Variants in CLTCL1 observed in about 807,000 individuals in gnomAD.
The protein encoded by CLTCL1 is clathrin heavy chain like 1.
In CLTCL1, 159 loss-of-function variants were observed where a neutral mutation model predicts 190.0. The observed-to-expected ratio is 0.84, with a 90% CI of 0.74 to 0.95. CLTCL1 has a LOEUF of 0.95. Ranked by LOEUF, CLTCL1 falls within the 40% of genes least tolerant of loss-of-function variation. The pLI is 0.00. For synonymous variants in CLTCL1, 752 were observed against 769.6 expected (o/e 0.98, Z 0.38); for missense variants, 1,878 against 2,033.4 (o/e 0.92, Z 1.47).
At chr22:19,285,136 G>T (rs1000670658) in intron 1 of CLTCL1, among the ~76,000 whole-genome samples, 16 of 151,748 alleles carry the variant, frequency 1.1e-4, no homozygotes, top group African/African-American at 3.9e-4. Context: ...TTAGCTGGAC[G>T]TGGTGGTGGG....
chr22:19,218,989 C>T (rs1389466568), intron 18 of CLTCL1, among the ~76,000 whole-genome samples: 1 of 152,058 alleles, frequency 6.6e-6, no homozygotes, highest in African/African-American at 2.4e-5. Flanking sequence ...AGCATGCAGG[C>T]ATGACACCAG....
chr22:19,234,569 A>T lies in CLTCL1; in HGVS notation c.1107T>A (p.Asn369Lys), dbSNP rs1555960946. ...CATAGCTGCCCTGTGCAAAGAGGGT[A>T]TTGAATTTTCTCACAAACAACTTCT... is the stretch of plus-strand genomic sequence containing the variant. ...GAEKLFVRKF[N>K]TLFAQGSYAE... is the part of the protein sequence containing the mutation. Residue 369 changes from asparagine (N) to lysine (K), a missense_variant, in exon 7 of 33, where the codon AAT (asparagine) becomes AAA (lysine). Transcript: ENST00000427926. The T allele has an allele frequency of 1.2e-6, 2 of 1,613,910 alleles. No homozygotes were observed. Among genetic ancestry groups the T allele is most frequent in the African/African-American group, 2.7e-5 (2 of 74,942 alleles).
chr22:19,208,096 A>T, intron 22 of CLTCL1, 58 bp downstream of exon 22: 1 of 1,605,702 alleles, frequency 6.2e-7, no homozygotes, highest in Non-Finnish European at 8.5e-7. Context: ...TGCTCTGAGG[A>T]ACATCCCTGG....
chr22:19,277,171 G>A (rs1261227496), intron 1 of CLTCL1, among the ~76,000 whole-genome samples: 4 of 152,038 alleles, frequency 2.6e-5, no homozygotes, highest in Admixed American at 2.0e-4. Context: ...AATTCAGGAC[G>A]GTGCCTTGTT....
At chr22:19,245,297 G>A (rs1487201338) in intron 3 of CLTCL1, among the ~76,000 whole-genome samples, 1 of 147,564 alleles carries the variant, frequency 6.8e-6, no homozygotes, top group Non-Finnish European at 1.5e-5. Context: ...GGGTTCAAAC[G>A]ATTCTCCTGC....
chr22:19,196,743 G>C, intron 24 of CLTCL1, 87 bp from the exon 25 acceptor site: 5 of 1,436,022 alleles, frequency 3.5e-6, no homozygotes, highest in Non-Finnish European at 4.7e-6. Flanking sequence ...CGCAGGGACT[G>C]TGCTTGTGAC....
intron 2 of CLTCL1, among the ~76,000 whole-genome samples, chr22:19,273,393 T>C (rs2087387781): frequency 6.6e-6 from 1 of 152,164 alleles, no homozygotes; most frequent in African/African-American, 2.4e-5. Context: ...CATGTTATAG[T>C]TGAAGTGATC....
intron 19 of CLTCL1, among the ~76,000 whole-genome samples, chr22:19,214,911 C>T (rs1417604339): frequency 6.6e-6 from 1 of 152,200 alleles, no homozygotes; most frequent in African/African-American, 2.4e-5. Context: ...AAACTCCTGG[C>T]CTCCCAAAGT....
chr22:19,221,591 C>T lies in CLTCL1; in HGVS notation c.2582G>A (p.Trp861Ter). Residue 861 changes from tryptophan to a stop codon, truncating the protein, a stop_gained, in exon 17 of 33, where the codon TGG (tryptophan) becomes TAG (stop). Coordinates refer to ENST00000427926, the MANE Select transcript of CLTCL1 (RefSeq NM_007098.4). LOFTEE classifies it high-confidence loss of function. ...GCCTTCCTGAATCTGGGACTCCAGCCAGGGAAGCAGCAGCTTGAGCCTTTG... is the reference window on the plus strand; with the variant it reads ...GCCTTCCTGAATCTGGGACTCCAGCTAGGGAAGCAGCAGCTTGAGCCTTTG... ...KRNRLKLLLP[W>*]LESQIQEGCE... The T allele has an allele frequency of 6.3e-7, 1 of 1,591,958 alleles. No homozygotes were observed. Among genetic ancestry groups the T allele is most frequent in the South Asian group, 1.1e-5 (1 of 87,540 alleles).
Position 19,198,091 on chromosome 22 carries a change from G to A in CLTCL1, c.3874-1435C>T, listed in dbSNP as rs985952997. ...AAAGTAATTCTTGTCCTTCCCTCCC[G>A]TGCTGCACCTTCAGTCTTCCCCTCA... On this transcript the variant is annotated intron_variant, in intron 24 of 32. Coordinates refer to ENST00000427926, the MANE Select transcript of CLTCL1 (RefSeq NM_007098.4). The surrounding 1 kb of genome is among the most constrained non-coding windows in gnomAD (Gnocchi z 4.1). Among the ~76,000 whole-genome samples, 7 of 152,040 alleles carry A rather than the reference G, an allele frequency of 4.6e-5. No individual in the cohort carries two copies. The highest frequency in any genetic ancestry group is 5.9e-5 in the Non-Finnish European group (4 of 68,010).
At position 19,233,153 on chromosome 22, in the gene CLTCL1, C is replaced by T; in HGVS notation, c.1521+13G>A. The T allele has an allele frequency of 1.2e-6, 2 of 1,605,530 alleles. No individual in the cohort carries two copies. Among genetic ancestry groups the T allele is most frequent in the Non-Finnish European group, 1.7e-6 (2 of 1,173,124 alleles). ...AGTAATCTGTGAGATGCCAGTGGTT[C>T]AACACACGTTACCTTTTTGGCATAG... On this transcript the variant is annotated intron_variant, in intron 9 of 32. Transcript: ENST00000427926.
At chr22:19,200,418 A>G (rs1239474382) in intron 23 of CLTCL1, among the ~76,000 whole-genome samples, 5 of 152,264 alleles carry the variant, frequency 3.3e-5, no homozygotes, top group African/African-American at 1.2e-4. Context: ...AATTTCCCAC[A>G]TAAACACAGT....
chr22:19,211,286 G>A (rs1451195458), intron 19 of CLTCL1, among the ~76,000 whole-genome samples: 1 of 152,038 alleles, frequency 6.6e-6, no homozygotes, highest in Non-Finnish European at 1.5e-5. Flanking sequence ...TCTACAAAAA[G>A]CCCACTGTTA....
chr22:19,239,299 C>T lies in CLTCL1; in HGVS notation c.771G>A (p.Gln257=), dbSNP rs1555963935. 7 of 1,613,994 alleles carry T rather than the reference C, an allele frequency of 4.3e-6. No individual in the cohort carries two copies. The highest frequency in any genetic ancestry group is 2.2e-5 in the South Asian group (2 of 91,088). ...CCTGCATAGCCACTGGAAAATCATT[C>T]TGTGCCTCTGGAGGAAAAAACACAT... The part of the protein sequence containing the change: ...AVDVFFPPEA[Q]NDFPVAMQIG... The change falls in exon 5 of 33, where the codon CAG becomes CAA. Residue 257 remains glutamine, a synonymous_variant. Coordinates refer to ENST00000427926, the MANE Select transcript of CLTCL1 (RefSeq NM_007098.4).
chr22:19,269,513 C>CAATA (rs1555979454), intron 2 of CLTCL1, among the ~76,000 whole-genome samples: 1 of 152,130 alleles, frequency 6.6e-6, no homozygotes, highest in African/African-American at 2.4e-5. Context: ...GCACTATTTA[C>CAATA]AATAGCAAAG....
rs192181464 is a variant in CLTCL1 at position 19,205,639 on chromosome 22, T to A, written c.3600+2515A>T. Among the ~76,000 whole-genome samples, 9 of 152,330 alleles carry A rather than the reference T, an allele frequency of 5.9e-5. No homozygotes were observed. The East Asian group carries it at 1.4e-3, about 23-fold the overall frequency. On this transcript the variant is annotated intron_variant, in intron 22 of 32. Coordinates refer to ENST00000427926, the MANE Select transcript of CLTCL1 (RefSeq NM_007098.4). ...ATCTTTTCTACTTTCTTGGGATAGA[T>A]TTTTACATCTAGACTTAGAGGTCCA...
At chr22:19,261,115 A>ATT (rs112343917) in intron 2 of CLTCL1, among the ~76,000 whole-genome samples, 1 of 143,750 alleles carries the variant, frequency 7.0e-6, no homozygotes, top group African/African-American at 2.5e-5. Flanking sequence ...TAAGAAATGC[A>ATT]TTTTTTTTTT....
chr22:19,239,952 T>C (rs2086199547), intron 4 of CLTCL1, among the ~76,000 whole-genome samples: 1 of 150,728 alleles, frequency 6.6e-6, no homozygotes, highest in African/African-American at 2.4e-5. Flanking sequence ...TTTCTTCTTT[T>C]TTTTTTTTTT....
intron 22 of CLTCL1, among the ~76,000 whole-genome samples, chr22:19,205,333 A>C (rs1272465996): frequency 6.6e-6 from 1 of 152,046 alleles, no homozygotes; most frequent in African/African-American, 2.4e-5. Context: ...AACATGGTGA[A>C]ACCCCGTCTC....
Sources: allele counts gnomAD v4.1 joint callset (sites outside exome capture counted in the v4.1 genomes callset), GRCh38; gene constraint gnomAD v4.1.1; non-coding constraint Gnocchi (gnomAD v3.1); transcripts MANE v1.5; gene names NCBI Gene and HGNC (gene_info 2026-07-23, HGNC 2026-07-21).